The following MYH7B variants were observed in gnomAD, a reference collection of about 807,000 sequenced individuals.
MYH7B encodes myosin-7B.
MYH7B carries 205 observed loss-of-function variants against 234.5 expected under a neutral mutation model. The observed-to-expected ratio is 0.87, with a 90% confidence interval of 0.78 to 0.98. The LOEUF (loss-of-function observed/expected upper bound fraction) is 0.98. Among genes scored for constraint, MYH7B ranks in the 50% least tolerant of loss-of-function variants. The pLI, the probability that MYH7B is intolerant of heterozygous loss-of-function variation, is 0.00. For missense variants in MYH7B, 2,652 were observed against 2,633.4 expected (o/e 1.01, Z -0.15); for synonymous variants, 1,193 against 1,105.0 (o/e 1.08, Z -1.58).
intron 38 of MYH7B, 108 bp from the exon 39 acceptor site, chr20:35,000,185 G>T: frequency 7.6e-7 from 1 of 1,320,228 alleles, no homozygotes; most frequent in South Asian, 1.4e-5. Flanking sequence ...ATCGGGGAGG[G>T]GTGACTCATT....
At chr20:34,996,840 C>T (rs921445056) in intron 30 of MYH7B, 82 bp downstream of exon 30, 43 of 1,540,612 alleles carry the variant, frequency 2.8e-5, no homozygotes, top group Admixed American at 9.9e-5. Flanking sequence ...GTGGTTCCTG[C>T]GGCATTGCAG....
chr20:34,984,392 T>A (rs2081984106), intron 10 of MYH7B, among the ~76,000 whole-genome samples: 1 of 152,040 alleles, frequency 6.6e-6, no homozygotes, highest in Non-Finnish European at 1.5e-5. Flanking sequence ...CCCTGGGGCT[T>A]GGAGCAGGGC....
At chr20:34,960,462 C>T (rs2081685044) in intron 2 of MYH7B, among the ~76,000 whole-genome samples, 1 of 152,206 alleles carries the variant, frequency 6.6e-6, no homozygotes, top group South Asian at 2.1e-4. Flanking sequence ...GTCTCGATCT[C>T]CTGACCTTGT....
exon 29 of MYH7B, chr20:34,996,498 C>T: frequency 6.2e-7 from 1 of 1,611,370 alleles, no homozygotes; most frequent in Non-Finnish European, 8.5e-7. Flanking sequence ...AGGCCAAGCT[C>T]CGGCTGGAGC....
At chr20:34,958,025 G>C (rs1302067005) in intron 1 of MYH7B, among the ~76,000 whole-genome samples, 73 bp from the exon 2 acceptor site, 2 of 152,184 alleles carry the variant, frequency 1.3e-5, no homozygotes, top group Admixed American at 1.3e-4. Flanking sequence ...GGGTCAACCA[G>C]GAACAAAAGA....
intron 2 of MYH7B, among the ~76,000 whole-genome samples, chr20:34,970,836 A>G (rs1255955783): frequency 6.6e-6 from 1 of 152,202 alleles, no homozygotes; most frequent in African/African-American, 2.4e-5. Context: ...ACAGGACAAC[A>G]TCGAAAGAAC....
intron 28 of MYH7B, 127 bp downstream of exon 28, chr20:34,995,705 T>C (rs1600463514): frequency 7.1e-7 from 1 of 1,401,834 alleles, no homozygotes; most frequent in African/African-American, 1.4e-5. Context: ...TCACTGCCTT[T>C]CCTGGGCCTC....
At chr20:34,999,174 C>G (rs1313553820) in exon 36 of MYH7B, 1 of 1,613,616 alleles carries the variant, frequency 6.2e-7, no homozygotes, top group East Asian at 2.2e-5. Flanking sequence ...GGATGTAACC[C>G]TGGAGCTGGA....
chr20:34,993,421 A>T, exon 26 of MYH7B: 1 of 1,612,212 alleles, frequency 6.2e-7, no homozygotes, highest in Non-Finnish European at 8.5e-7. Flanking sequence ...GCAGGCGCGG[A>T]GCCGTGGCCG....
chr20:35,001,384 G>C, intron 42 of MYH7B, 35 bp downstream of exon 42: 3 of 1,596,220 alleles, frequency 1.9e-6, no homozygotes, highest in Non-Finnish European at 2.6e-6. Flanking sequence ...AGTGGCCCTG[G>C]AGCTGGCCCA....
rs1287463635 is a variant in MYH7B, at chr20:34,999,891, A to AGTGCGCTAACCTGAGGTGT, written c.4769_4781+6dup. ...CGGAAGCTGGCAGAGAAAGACGAGG[A>AGTGCGCTAACCTGAGGTGT]GTGCGCTAACCTGAGGTGTGTCCAT... On this transcript the variant is annotated frameshift_variant, in exon 38 of 45. Transcript: ENST00000262873. LOFTEE classifies it high-confidence loss of function. 6.2e-7 allele frequency: 1 copy of AGTGCGCTAACCTGAGGTGT among 1,613,630 alleles called. No individual in the cohort carries two copies. The highest frequency in any genetic ancestry group is 8.5e-7 in the Non-Finnish European group (1 of 1,179,930).
intron 10 of MYH7B, among the ~76,000 whole-genome samples, chr20:34,983,693 A>G (rs1265851715): frequency 6.6e-6 from 1 of 152,164 alleles, no homozygotes; most frequent in Non-Finnish European, 1.5e-5. Flanking sequence ...CTTGGCCCCA[A>G]ATTTGGCCAA....
chr20:34,977,582 TGTGACAC>T, intron 3 of MYH7B, 43 bp from the exon 4 acceptor site: 1 of 1,542,926 alleles, frequency 6.5e-7, no homozygotes, highest in Non-Finnish European at 8.8e-7. Flanking sequence ...CTGGGGGGGC[TGTGACAC>T]GTGGAGATTG....
intron 36 of MYH7B, 69 bp downstream of exon 36, chr20:34,999,474 G>C: frequency 6.6e-7 from 1 of 1,526,186 alleles, no homozygotes; most frequent in South Asian, 1.3e-5. Flanking sequence ...TTATGGGGGT[G>C]CCCTGGTGGG....
At chr20:34,975,438 C>A in exon 3 of MYH7B, 1 of 682,276 alleles carries the variant, frequency 1.5e-6, no homozygotes, top group Non-Finnish European at 2.7e-6. Context: ...TGGTCTTGAA[C>A]TCCTGAGCTT....
intron 5 of MYH7B, among the ~76,000 whole-genome samples, chr20:34,978,457 T>G (rs1711720698): frequency 6.6e-6 from 1 of 152,190 alleles, no homozygotes; most frequent in Non-Finnish European, 1.5e-5. Flanking sequence ...GCTGGGGTTA[T>G]TTTTAGTGGT....
chr20:34,955,989 G>C (rs764594987), exon 1 of MYH7B: 1 of 152,322 alleles, frequency 6.6e-6, no homozygotes, highest in Admixed American at 6.5e-5. Context: ...GGACCATCGG[G>C]GTCGGCGGGG....
At chr20:34,961,726 C>T (rs2081699531) in intron 2 of MYH7B, among the ~76,000 whole-genome samples, 2 of 152,256 alleles carry the variant, frequency 1.3e-5, no homozygotes, top group Admixed American at 6.5e-5. Context: ...TGAATATTTC[C>T]TGTAGGTGGA....
chr20:34,982,619 T>A, intron 10 of MYH7B, 64 bp downstream of exon 10: 7 of 1,265,062 alleles, frequency 5.5e-6, no homozygotes, highest in Non-Finnish European at 7.6e-6. Context: ...TCTTTCTTCC[T>A]CTCTTTTTTT....
Sources: gnomAD v4.1 joint callset for allele counts (sites outside exome capture counted in the v4.1 genomes callset) on GRCh38, gnomAD v4.1.1 for gene constraint, MANE v1.5 for transcripts, NCBI Gene and HGNC (gene_info 2026-07-23, HGNC 2026-07-21) for gene names.